The following PLEKHA3 variants were observed in gnomAD, a reference collection of about 807,000 sequenced individuals.
PLEKHA3 encodes pleckstrin homology domain-containing family A member 3.
PLEKHA3 carries 19 observed loss-of-function variants against 39.2 expected under a neutral mutation model. The observed-to-expected ratio is 0.48, with a 90% CI of 0.34 to 0.71. The LOEUF is 0.71. Ranked by LOEUF, PLEKHA3 falls within the 30% of genes least tolerant of loss-of-function variation. The pLI, the probability that PLEKHA3 is intolerant of heterozygous loss-of-function variation, is 0.01. For missense variants in PLEKHA3, 253 were observed against 359.5 expected (o/e 0.70, Z 2.40); for synonymous variants, 97 against 118.6 (o/e 0.82, Z 1.18).
At position 178,513,820 on chromosome 2, in the gene PLEKHA3, A is replaced by G. The variant is rs1175688633; in HGVS notation, c.*9933A>G. 3.3e-5 allele frequency: 5 copies of G among 152,052 alleles called. No homozygotes were observed. The highest frequency in any genetic ancestry group is 5.9e-5 in the Non-Finnish European group (4 of 68,004). The allele number at this position is 152,052 out of a possible 1,614,324, so 9.4% of individuals were successfully genotyped here. The stretch of plus-strand genomic sequence containing the variant: ...AGGGTTAACCACCCAGATTTTTGTC[A>G]GATAATATATACATGTCCATGTAAT... On this transcript the variant is annotated 3_prime_UTR_variant, in exon 8 of 8. Transcript: ENST00000234453.
In PLEKHA3 at chr2:178,492,291, A is replaced by C. The variant is rs115607359; in HGVS notation, c.313+1477A>C. ...ACAGAATATAGCTACAGGTAGGATA[A>C]GAAGGAATGAATATTCACAATAGCT... On this transcript the variant is annotated intron_variant, in intron 3 of 7. Transcript: ENST00000234453. Among the ~76,000 whole-genome samples, 220 of 152,222 alleles carry C rather than the reference A, an allele frequency of 1.4e-3. 1 individual carries two copies. The highest frequency in any genetic ancestry group is 4.7e-3 in the African/African-American group (196 of 41,534).
intron 7 of PLEKHA3, among the ~76,000 whole-genome samples, chr2:178,502,792 TCA>T (rs777323160): frequency 6.9e-5 from 10 of 144,546 alleles, no homozygotes; most frequent in South Asian, 6.5e-4. Flanking sequence ...AAAACTAGTC[TCA>T]CACACACACA....
At chr2:178,501,231 G>C in intron 7 of PLEKHA3, 55 bp downstream of exon 7, 1 of 1,277,748 alleles carries the variant, frequency 7.8e-7, no homozygotes, top group Non-Finnish European at 1.1e-6. Flanking sequence ...AATTACTGTG[G>C]GGCTCTGTAA....
rs939643546 is a variant in PLEKHA3, at chr2:178,516,029, A to G, written c.*12142A>G. On this transcript the variant is annotated 3_prime_UTR_variant, in exon 8 of 8. Transcript: ENST00000234453. ...TGTCTTTATTGTAGCTAGTTATAAG[A>G]TGTATATATAGCTTATATATGTGTA... The G allele has an allele frequency of 6.6e-6, 1 of 151,504 alleles. No individual in the cohort carries two copies. The highest frequency in any genetic ancestry group is 2.4e-5 in the African/African-American group (1 of 41,360). The allele number at this position is 151,504 out of a possible 1,614,324, so 9.4% of individuals were successfully genotyped here.
At chr2:178,499,639 A>G (rs1685498966) in intron 6 of PLEKHA3, among the ~76,000 whole-genome samples, 2 of 152,150 alleles carry the variant, frequency 1.3e-5, no homozygotes. Context: ...AGGTATGTTT[A>G]GATACACAAA....
intron 2 of PLEKHA3, among the ~76,000 whole-genome samples, chr2:178,487,003 G>A (rs1315989720): frequency 6.6e-6 from 1 of 152,228 alleles, no homozygotes; most frequent in Admixed American, 6.5e-5. Context: ...GGACTATTGT[G>A]ATAGATTTAG....
rs995477739 is a variant in PLEKHA3, at chr2:178,512,697, T to C, written c.*8810T>C. 1 of 153,742 alleles carries C rather than the reference T, an allele frequency of 6.5e-6. No individual in the cohort carries two copies. Among genetic ancestry groups the C allele is most frequent in the African/African-American group, 2.4e-5 (1 of 41,426 alleles). 9.5% of individuals were successfully genotyped at this position (153,742 alleles called of 1,614,324 possible). A position where few individuals can be genotyped will look rare whatever the true frequency, so the allele number is the denominator to read the frequency against. On this transcript the variant is annotated 3_prime_UTR_variant, in exon 8 of 8. Transcript: ENST00000234453. ...CATTTTATGAGTGAACAATGGTGAG[T>C]CATGTAATGAAAGGAGATGTTCTAG... is the stretch of plus-strand genomic sequence containing the variant.
chr2:178,482,987 G>C (rs1055262904), intron 1 of PLEKHA3, among the ~76,000 whole-genome samples: 1 of 152,180 alleles, frequency 6.6e-6, no homozygotes, highest in African/African-American at 2.4e-5. Context: ...TTCAGGCACG[G>C]TGGCTCATGC....
chr2:178,500,913 G>A, intron 6 of PLEKHA3, 148 bp from the exon 7 acceptor site: 1 of 615,184 alleles, frequency 1.6e-6, no homozygotes, highest in Non-Finnish European at 2.9e-6. Flanking sequence ...ACTTGTTTTT[G>A]ACTTCTGAGT....
At position 178,509,412 on chromosome 2, in the gene PLEKHA3, G is replaced by A. The variant is rs951933624; in HGVS notation, c.*5525G>A. On this transcript the variant is annotated 3_prime_UTR_variant, in exon 8 of 8. Transcript: ENST00000234453. ...AAGCAGTTAGAAAAGTGCTGGGCAC[G>A]TAGTGTGTTGAATAAGTGTTAGTTA... 8 of 151,926 alleles carry A rather than the reference G, an allele frequency of 5.3e-5. No individual in the cohort carries two copies. Among genetic ancestry groups the A allele is most frequent in the Admixed American group, 4.6e-4 (7 of 15,248 alleles). 9.4% of individuals were successfully genotyped at this position (151,926 alleles called of 1,614,324 possible). A position where few individuals can be genotyped will look rare whatever the true frequency, so the allele number is the denominator to read the frequency against.
At chr2:178,483,373 C>G (rs1685203333) in intron 1 of PLEKHA3, among the ~76,000 whole-genome samples, 2 of 151,602 alleles carry the variant, frequency 1.3e-5, no homozygotes, top group Non-Finnish European at 2.9e-5. Context: ...AAGGGAATAC[C>G]TGTGAATCTT....
At position 178,481,842 on chromosome 2, in the gene PLEKHA3, T is replaced by TTG. The variant is rs1328615101; in HGVS notation, c.40+933_40+934insTG. The TTG allele has an allele frequency of 1.9e-3, 225 of 118,882 alleles. 5 individuals carry two copies. The highest frequency in any genetic ancestry group is 1.0e-3 in the Non-Finnish European group (57 of 55,774). The allele number at this position is 118,882 out of a possible 1,614,324, so 7.4% of individuals were successfully genotyped here. A position where few individuals can be genotyped will look rare whatever the true frequency, so the allele number is the denominator to read the frequency against. ...AAATTTGAACAGTAAACAGATTTTT[T>TTG]GGGGGGGGGGGGTCTAGCATAATAG... is the stretch of plus-strand genomic sequence containing the variant. On this transcript the variant is annotated intron_variant, in intron 1 of 7. Transcript: ENST00000234453.
At chr2:178,491,967 A>G (rs185612548) in intron 3 of PLEKHA3, among the ~76,000 whole-genome samples, 57 of 152,230 alleles carry the variant, frequency 3.7e-4, no homozygotes, top group Admixed American at 3.7e-3. Context: ...TTGAGAACTC[A>G]CTCACTCCTT....
At chr2:178,501,200 T>G in intron 7 of PLEKHA3, 24 bp downstream of exon 7, 1 of 1,572,662 alleles carries the variant, frequency 6.4e-7, no homozygotes, top group Admixed American at 1.7e-5. Flanking sequence ...ATTCTGTCTC[T>G]TTCTTTGGCA....
At chr2:178,492,973 G>T (rs1685377015) in intron 3 of PLEKHA3, among the ~76,000 whole-genome samples, 1 of 152,156 alleles carries the variant, frequency 6.6e-6, no homozygotes, top group Non-Finnish European at 1.5e-5. Flanking sequence ...TTAAATATGA[G>T]CAGGAATTGA....
chr2:178,480,797 C>A lies in PLEKHA3; in HGVS notation c.-73C>A. ...CCCGGGCGGGCCGGGAGGGGCTGCCCCAGGCCCTGCGCCTACCCCATCACC... is the reference window on the plus strand; with the variant it reads ...CCCGGGCGGGCCGGGAGGGGCTGCCACAGGCCCTGCGCCTACCCCATCACC... On this transcript the variant is annotated 5_prime_UTR_variant, in exon 1 of 8. Transcript: ENST00000234453. 1 of 1,270,364 alleles carries A rather than the reference C, an allele frequency of 7.9e-7. No homozygotes were observed. Among genetic ancestry groups the A allele is most frequent in the Non-Finnish European group, 1.0e-6 (1 of 986,822 alleles). 78.7% of individuals were successfully genotyped at this position (1,270,364 alleles called of 1,614,324 possible). A position where few individuals can be genotyped will look rare whatever the true frequency, so the allele number is the denominator to read the frequency against.
intron 2 of PLEKHA3, among the ~76,000 whole-genome samples, chr2:178,489,336 T>C (rs1483825724): frequency 6.6e-6 from 1 of 152,178 alleles, no homozygotes; most frequent in African/African-American, 2.4e-5. Flanking sequence ...TCAATATTTA[T>C]AGCAATTAAT....
chr2:178,482,326 A>G (rs146781099), intron 1 of PLEKHA3, among the ~76,000 whole-genome samples: 2 of 152,128 alleles, frequency 1.3e-5, no homozygotes, highest in Non-Finnish European at 2.9e-5. Context: ...TGCTTGCTCA[A>G]GACCAACCTG....
rs1264731732 is a variant in PLEKHA3, at chr2:178,508,237, T to C, written c.*4350T>C. 1 of 153,400 alleles carries C rather than the reference T, an allele frequency of 6.5e-6. No homozygotes were observed. The highest frequency in any genetic ancestry group is 1.5e-5 in the Non-Finnish European group (1 of 67,966). The allele number at this position is 153,400 out of a possible 1,614,324, so 9.5% of individuals were successfully genotyped here. A position where few individuals can be genotyped will look rare whatever the true frequency, so the allele number is the denominator to read the frequency against. On this transcript the variant is annotated 3_prime_UTR_variant, in exon 8 of 8. Coordinates refer to ENST00000234453, the MANE Select transcript of PLEKHA3 (RefSeq NM_019091.4). ...GTTGTTCCTTAAGTTATATTATCTT[T>C]GTTCTTTTTGTTATCCTCCAGCTCT...
Sources: gnomAD v4.1 joint callset for allele counts (sites outside exome capture counted in the v4.1 genomes callset) on GRCh38, gnomAD v4.1.1 for gene constraint, MANE v1.5 for transcripts, NCBI Gene and HGNC (gene_info 2026-07-23, HGNC 2026-07-21) for gene names.